Variants in GPAM observed in about 807,000 individuals in gnomAD.
GPAM encodes the protein glycerol-3-phosphate acyltransferase, mitochondrial.
In GPAM, 56 loss-of-function variants were observed where a neutral mutation model predicts 105.0. That is an observed-to-expected ratio of 0.53 (90% CI 0.43 to 0.67). GPAM has a LOEUF of 0.67. Ranked by LOEUF, GPAM falls within the 30% of genes least tolerant of loss-of-function variation. GPAM has a pLI of 0.00. For missense variants in GPAM, 855 were observed against 989.8 expected, an observed-to-expected ratio of 0.86 and a Z score of 1.83; for synonymous variants, 368 against 354.4, an observed-to-expected ratio of 1.04 and a Z score of -0.43.
intron 2 of GPAM, 89 bp from the exon 3 acceptor site, chr10:112,181,902 C>T (rs927812943): frequency 4.3e-6 from 3 of 693,664 alleles, no homozygotes; most frequent in African/African-American, 1.8e-5. Flanking sequence ...TTACTTTGCT[C>T]CACAATGGGA....
In GPAM at chr10:112,175,674, A is replaced by C. The variant is rs746168949; in HGVS notation, c.339T>G (p.Leu113=). 4.0e-5 allele frequency: 64 copies of C among 1,613,364 alleles called. No individual in the cohort carries two copies. Among genetic ancestry groups the C allele is most frequent in the Non-Finnish European group, 5.0e-5 (59 of 1,179,418 alleles). Residue 113 remains leucine (L), a synonymous_variant, in exon 6 of 22, where the codon CTT becomes CTG. Transcript: ENST00000348367. ...TATGCACATCTCGCTCTTGAATAAA[A>C]AGAACGTAAGAAAGGCGTCTTGCAA... ...GWLARRLSYV[L]FIQERDVHKG... is the part of the protein sequence containing the mutation.
At chr10:112,156,161 C>T in intron 19 of GPAM, 108 bp from the exon 20 acceptor site, 3 of 744,408 alleles carry the variant, frequency 4.0e-6, no homozygotes, top group Admixed American at 4.0e-5. Flanking sequence ...AAGATGGCCA[C>T]TCACATCAGC....
chr10:112,159,307 G>A (rs537629648), intron 17 of GPAM, among the ~76,000 whole-genome samples: 3 of 136,200 alleles, frequency 2.2e-5, no homozygotes, highest in South Asian at 5.0e-4. Flanking sequence ...TGCATCCTCC[G>A]CCTCCCAGGT....
At chr10:112,186,724 T>C (rs1459804468), upstream of GPAM, among the ~76,000 whole-genome samples, 1 of 152,066 alleles carries the variant, frequency 6.6e-6, no homozygotes, top group Non-Finnish European at 1.5e-5. Context: ...TTTTTTTCTG[T>C]ATGTTTAGTA....
chr10:112,159,842 CGGGGGGTTA>C (rs1847089336), intron 17 of GPAM, 60 bp downstream of exon 17: 1 of 1,472,000 alleles, frequency 6.8e-7, no homozygotes, highest in Non-Finnish European at 9.5e-7. Context: ...CAGAAAAACA[CGGGGGGTTA>C]CGTTTTCATG....
chr10:112,211,899 T>C (rs1181303983), intron 1 of GPAM, among the ~76,000 whole-genome samples: 1 of 152,208 alleles, frequency 6.6e-6, no homozygotes, highest in Non-Finnish European at 1.5e-5. Flanking sequence ...GATTAACAGA[T>C]GTATGAGGGT....
In GPAM at chr10:112,159,972, T is replaced by C. The variant is rs1847092585; in HGVS notation, c.1841A>G (p.Gln614Arg). ...CAGGCTGGCCGCCTTCCGCACCAGC[T>C]GCTCCTGGCTGATCAGGTTAGGTGG... ...STPPNLISQE[Q>R]LVRKAASLCY... Residue 614 changes from glutamine to arginine, a missense_variant, in exon 17 of 22, where the codon CAG becomes CGG. Transcript: ENST00000348367. 1 of 1,614,040 alleles carries C rather than the reference T, an allele frequency of 6.2e-7. No homozygotes were observed. Among genetic ancestry groups the C allele is most frequent in the East Asian group, 2.2e-5 (1 of 44,882 alleles).
rs1364722796 is a variant in GPAM, at chr10:112,168,503, G to A, written c.916C>T (p.Gln306Ter). The A allele has an allele frequency of 1.2e-6, 2 of 1,607,548 alleles. No homozygotes were observed. Among genetic ancestry groups the A allele is most frequent in the Non-Finnish European group, 1.7e-6 (2 of 1,174,150 alleles). Residue 306 changes from glutamine to a stop codon, truncating the protein, a stop_gained, in exon 11 of 22, where the codon CAG becomes TAG. Coordinates refer to ENST00000348367, the MANE Select transcript of GPAM (RefSeq NM_001244949.2). LOFTEE classifies it high-confidence loss of function. The part of the protein sequence containing the change: ...LHGHIVELLR[Q>*]QQFLEIFLEG... ...AGGAAGATCTCCAAGAATTGCTGCT[G>A]TCGAAGTAATTCAACTATATGCTGG...
chr10:112,226,048 T>C, the GPAM span, among the ~76,000 whole-genome samples: 8 of 152,210 alleles, frequency 5.3e-5, no homozygotes, highest in Admixed American at 2.6e-4. Flanking sequence ...CAAGCTTGTA[T>C]TGAGCACCCA....
intron 9 of GPAM, among the ~76,000 whole-genome samples, chr10:112,170,222 A>T (rs1205151356): frequency 6.6e-6 from 1 of 152,220 alleles, no homozygotes; most frequent in African/African-American, 2.4e-5. Context: ...AGGAGGCCAC[A>T]GTAAGGTGTT....
chr10:112,187,627 C>T (rs1365727745), upstream of GPAM, among the ~76,000 whole-genome samples: 1 of 151,998 alleles, frequency 6.6e-6, no homozygotes, highest in Non-Finnish European at 1.5e-5. Context: ...TTTCAATACC[C>T]CTCCCCCAAT....
Position 112,153,559 on chromosome 10 carries a change from C to T in GPAM, c.2478G>A (p.Val826=), listed in dbSNP as rs1432691805. 1 of 1,613,988 alleles carries T rather than the reference C, an allele frequency of 6.2e-7. No homozygotes were observed. The highest frequency in any genetic ancestry group is 8.5e-7 in the Non-Finnish European group (1 of 1,179,892). ...CAGTGCCACACGTTACCTACAGCAC[C>T]ACAAAACTCAGAATATATTCTAGAA... ...QKLLEYILSF[V]VL is the part of the protein sequence containing the mutation. Residue 826 remains valine, a synonymous_variant, in exon 22 of 22, where the codon GTG becomes GTA. Coordinates refer to ENST00000348367, the MANE Select transcript of GPAM (RefSeq NM_001244949.2).
upstream of GPAM, among the ~76,000 whole-genome samples, chr10:112,186,895 C>T (rs1847602599): frequency 6.6e-6 from 1 of 152,106 alleles, no homozygotes; most frequent in African/African-American, 2.4e-5. Context: ...CAAACAAAAA[C>T]AATATTTTGT....
Position 112,151,864 on chromosome 10 carries a change from T to C in GPAM, c.*1686A>G. On this transcript the variant is annotated 3_prime_UTR_variant, in exon 22 of 22. Transcript: ENST00000348367. Reference sequence around the variant, plus strand: ...TACCCTAGTCAGTAAAATGGAATGCTAAAACATGATATCTCATTCAACATC... The same window carrying C: ...TACCCTAGTCAGTAAAATGGAATGCCAAAACATGATATCTCATTCAACATC... The C allele has an allele frequency of 1.0e-6, 1 of 984,486 alleles. No homozygotes were observed. The allele number at this position is 984,486 out of a possible 1,614,324, so 61.0% of individuals were successfully genotyped here.
Position 112,212,641 on chromosome 10 carries a change from G to C in GPAM, n.210+2527C>G, listed in dbSNP as rs536078971. ...GCTTAGGGTCTCGAGAAAGCCCCTG[G>C]TTGATGAAAAGGGCAAAGGCTTGGA... On this transcript the variant is annotated intron_variant and non_coding_transcript_variant, in intron 1 of 3. Transcript: ENST00000480130. Among the ~76,000 whole-genome samples the C allele has an allele frequency of 3.3e-5, 5 of 152,282 alleles. No individual in the cohort carries two copies. In the East Asian group the frequency reaches 9.7e-4, roughly 29 times the overall value.
At chr10:112,170,961 C>A (rs1847303243) in intron 9 of GPAM, among the ~76,000 whole-genome samples, 1 of 152,144 alleles carries the variant, frequency 6.6e-6, no homozygotes, top group African/African-American at 2.4e-5. Context: ...AGAAGGAGCT[C>A]CTTAGACTGT....
At chr10:112,220,502 T>G in the GPAM span, among the ~76,000 whole-genome samples, 1 of 152,200 alleles carries the variant, frequency 6.6e-6, no homozygotes, top group Non-Finnish European at 1.5e-5. Flanking sequence ...ATCTTTGCTT[T>G]TAGCTATATG....
chr10:112,156,544 T>G (rs2803608), intron 19 of GPAM: 1 of 181,672 alleles, frequency 5.5e-6, no homozygotes, highest in Middle Eastern at 2.6e-3. Context: ...TGATGGCCAC[T>G]GTGACGGCGG....
upstream of GPAM, among the ~76,000 whole-genome samples, chr10:112,184,278 G>A (rs116017170): frequency 0.01 from 1,522 of 152,184 alleles, 34 homozygotes; most frequent in African/African-American, 0.034. Flanking sequence ...AGAAATAAGG[G>A]CTTTTTTCCC....
Sources: allele counts gnomAD v4.1 joint callset (sites outside exome capture counted in the v4.1 genomes callset), GRCh38; gene constraint gnomAD v4.1.1; transcripts MANE v1.5; gene names NCBI Gene and HGNC (gene_info 2026-07-23, HGNC 2026-07-21).